Variants in GALNT15 observed in about 807,000 individuals in gnomAD.
GALNT15 encodes UDP-GalNAc transferase T15.
Under a neutral mutation model 66.8 loss-of-function variants are expected in GALNT15, and 67 were observed. The observed-to-expected ratio is 1.00, with a 90% CI of 0.82 to 1.23. The LOEUF is 1.23. Ranked by LOEUF, GALNT15 falls within the 50% of genes most tolerant of loss-of-function variation. The pLI is 0.00. For synonymous variants in GALNT15, 313 were observed against 311.5 expected, an observed-to-expected ratio of 1.00 and a Z score of -0.05; for missense variants, 827 against 804.3, an observed-to-expected ratio of 1.03 and a Z score of -0.34.
rs561587462 is a variant in GALNT15, at chr3:16,227,841, A to G, written c.*341A>G. 8 of 1,057,104 alleles carry G rather than the reference A, an allele frequency of 7.6e-6. 1 individual carries two copies. The highest frequency in any genetic ancestry group is 3.4e-5 in the South Asian group (1 of 29,490). The allele number at this position is 1,057,104 out of a possible 1,614,324, so 65.5% of individuals were successfully genotyped here. ...CTGGACATTCTCTGGCAGCACCTCC[A>G]GGATACATAAATTCAATGGATCAAT... On this transcript the variant is annotated 3_prime_UTR_variant, in exon 10 of 10. Coordinates refer to ENST00000339732, the MANE Select transcript of GALNT15 (RefSeq NM_054110.5). The surrounding 1 kb of genome is among the most constrained non-coding windows in gnomAD (Gnocchi z 4.5).
chr3:16,215,906 C>CAAAA (rs10611187), intron 6 of GALNT15, among the ~76,000 whole-genome samples: 2 of 102,634 alleles, frequency 1.9e-5, no homozygotes, highest in South Asian at 3.6e-4. Flanking sequence ...GAGACTCCGC[C>CAAAA]AAAAAAAAAA....
chr3:16,226,735 T>C (rs964107058), intron 9 of GALNT15, among the ~76,000 whole-genome samples: 3 of 152,218 alleles, frequency 2.0e-5, no homozygotes, highest in African/African-American at 7.2e-5. Flanking sequence ...TCTCAAACAT[T>C]AATAAATGAA....
At chr3:16,192,817 A>G (rs1175736111) in intron 1 of GALNT15, among the ~76,000 whole-genome samples, 2 of 152,266 alleles carry the variant, frequency 1.3e-5, no homozygotes, top group East Asian at 1.9e-4. Context: ...ATAAAAGTTC[A>G]TATAAAGTTC....
chr3:16,177,942 G>T (rs1482749494), intron 1 of GALNT15, among the ~76,000 whole-genome samples: 1 of 152,188 alleles, frequency 6.6e-6, no homozygotes, highest in South Asian at 2.1e-4. Context: ...TGTGTGTGCT[G>T]TGCACGTATT....
the GALNT15 span, among the ~76,000 whole-genome samples, chr3:16,241,421 T>A: frequency 3.9e-5 from 6 of 152,246 alleles, no homozygotes; most frequent in Admixed American, 2.6e-4. The surrounding 1 kb of genome is among the most constrained non-coding windows in gnomAD (Gnocchi z 4.6). Flanking sequence ...TCCTGATCAC[T>A]TTTTGGATGG....
intron 8 of GALNT15, 26 bp downstream of exon 8, chr3:16,220,040 G>T (rs373770146): frequency 4.5e-6 from 7 of 1,545,094 alleles, no homozygotes; most frequent in Non-Finnish European, 5.4e-6. Context: ...TCTCAGGATG[G>T]ATGATAGCCC....
intron 1 of GALNT15, among the ~76,000 whole-genome samples, chr3:16,192,362 T>G (rs1170711601): frequency 6.6e-6 from 1 of 152,196 alleles, no homozygotes; most frequent in Non-Finnish European, 1.5e-5. Flanking sequence ...ACTATTAAAC[T>G]GTCCCCACAG....
the GALNT15 span, chr3:16,244,097 A>T: frequency 2.3e-5 from 17 of 751,842 alleles, no homozygotes; most frequent in Admixed American, 6.3e-5. Flanking sequence ...AAGACAGAAG[A>T]ACAGGCACCG....
Position 16,184,694 on chromosome 3 carries a change from G to A in GALNT15, c.539+9004G>A, listed in dbSNP as rs188739398. ...TCCTGAAAGAAGGCTTCATTTTGCCGGTTATCCCAAGAAGCACGGGTAGGG... is the reference window on the plus strand; with the variant it reads ...TCCTGAAAGAAGGCTTCATTTTGCCAGTTATCCCAAGAAGCACGGGTAGGG... On this transcript the variant is annotated intron_variant, in intron 1 of 9. Transcript: ENST00000339732. The surrounding 1 kb of genome is among the most constrained non-coding windows in gnomAD (Gnocchi z 5.0). Among the ~76,000 whole-genome samples, 49 of 152,278 alleles carry A rather than the reference G, an allele frequency of 3.2e-4. No homozygotes were observed. In the East Asian group the frequency reaches 6.4e-3, roughly 20 times the overall value.
At chr3:16,207,889 C>T (rs1235546325) in intron 3 of GALNT15, among the ~76,000 whole-genome samples, 1 of 152,116 alleles carries the variant, frequency 6.6e-6, no homozygotes, top group African/African-American at 2.4e-5. Flanking sequence ...AGCATTGCAG[C>T]TGAGAAAGGC....
chr3:16,202,844 C>T (rs1050932758), intron 3 of GALNT15, among the ~76,000 whole-genome samples: 4 of 152,212 alleles, frequency 2.6e-5, no homozygotes, highest in Admixed American at 2.0e-4. Flanking sequence ...CTCATGATTT[C>T]GCTATCGAGA....
intron 1 of GALNT15, among the ~76,000 whole-genome samples, chr3:16,185,828 G>T (rs796414725): frequency 7.2e-5 from 11 of 152,094 alleles, no homozygotes; most frequent in Admixed American, 6.5e-5. Flanking sequence ...GCTATTTGCC[G>T]TGTAACTTTA....
In GALNT15 at chr3:16,177,411, A is replaced by G. The variant is rs573996823; in HGVS notation, c.539+1721A>G. 4.6e-5 allele frequency among the ~76,000 whole-genome samples: 7 copies of G among 152,268 alleles called. No homozygotes were observed. In the South Asian group the frequency reaches 1.5e-3, roughly 32 times the overall value. On this transcript the variant is annotated intron_variant, in intron 1 of 9. Coordinates refer to ENST00000339732, the MANE Select transcript of GALNT15 (RefSeq NM_054110.5). The stretch of plus-strand genomic sequence containing the variant: ...TATGCATATTTGTGGGTCATGGTAT[A>G]TGTATGTTCGTGCATGTGTGTTGTA...
Position 16,187,201 on chromosome 3 carries a change from T to C in GALNT15, c.540-8559T>C, listed in dbSNP as rs2063526398. Among the ~76,000 whole-genome samples the C allele has an allele frequency of 6.6e-6, 1 of 151,916 alleles. No homozygotes were observed. Among genetic ancestry groups the C allele is most frequent in the Non-Finnish European group, 1.5e-5 (1 of 67,986 alleles). ...ATCGCCTGAACCTGGGAGGTGGAGGTTGCAGTGAGCTAAGATAATGCCACT... is the reference window on the plus strand; with the variant it reads ...ATCGCCTGAACCTGGGAGGTGGAGGCTGCAGTGAGCTAAGATAATGCCACT... On this transcript the variant is annotated intron_variant, in intron 1 of 9. Transcript: ENST00000339732. The surrounding 1 kb of genome is among the most constrained non-coding windows in gnomAD (Gnocchi z 5.1).
downstream of GALNT15, chr3:16,232,046 C>T: frequency 8.1e-7 from 1 of 1,238,482 alleles, no homozygotes; most frequent in African/African-American, 1.5e-5. Context: ...AGAAACTGTT[C>T]AGAGAGGGTG....
rs971719863 is a variant in GALNT15, at chr3:16,187,645, G to A, written c.540-8115G>A. ...ACAAGGCCAGCCAGACTTAGGGGCT[G>A]AAGAAATAGATTCCATTTCTTGATG... is the stretch of plus-strand genomic sequence containing the variant. On this transcript the variant is annotated intron_variant, in intron 1 of 9. Transcript: ENST00000339732. The surrounding 1 kb of genome is among the most constrained non-coding windows in gnomAD (Gnocchi z 5.1). Among the ~76,000 whole-genome samples, 2 of 152,188 alleles carry A rather than the reference G, an allele frequency of 1.3e-5. No individual in the cohort carries two copies. Among genetic ancestry groups the A allele is most frequent in the Non-Finnish European group, 2.9e-5 (2 of 68,036 alleles).
downstream of GALNT15, among the ~76,000 whole-genome samples, chr3:16,231,609 C>CG (rs1392922855): frequency 7.2e-5 from 11 of 152,188 alleles, no homozygotes; most frequent in African/African-American, 2.7e-4. The surrounding 1 kb of genome is among the most constrained non-coding windows in gnomAD (Gnocchi z 4.1). Context: ...GACTTTACCC[C>CG]TAGGGTGATA....
At position 16,195,912 on chromosome 3, in the gene GALNT15, A is replaced by C. The variant is rs1574977194; in HGVS notation, c.692A>C (p.Asp231Ala). The change falls in exon 2 of 10, where the codon GAC becomes GCC. Residue 231 changes from aspartate to alanine, a missense_variant. Physicochemically the swap from Asp to Ala is moderately radical, Grantham distance 126. Transcript: ENST00000339732. The surrounding 1 kb of genome is among the most constrained non-coding windows in gnomAD (Gnocchi z 4.6). ...AFLKEIILVD[D>A]LSQQGQLKSA... ...CTGAAGGAGATCATCCTCGTGGACG[A>C]CCTCAGCCAGCAAGGTAGCCACGGC... 6.2e-7 allele frequency: 1 copy of C among 1,613,940 alleles called. No individual in the cohort carries two copies. Among genetic ancestry groups the C allele is most frequent in the East Asian group, 2.2e-5 (1 of 44,850 alleles).
At chr3:16,238,658 G>A in the GALNT15 span, among the ~76,000 whole-genome samples, 1 of 152,096 alleles carries the variant, frequency 6.6e-6, no homozygotes, top group African/African-American at 2.4e-5. This position sits in a 1 kb window ranked among gnomAD's most constrained non-coding sequence, Gnocchi z 4.8. Flanking sequence ...CAAAGTGATG[G>A]ACCTAGATCA....
Sources: gnomAD v4.1 joint callset for allele counts (sites outside exome capture counted in the v4.1 genomes callset) on GRCh38, gnomAD v4.1.1 for gene constraint, Gnocchi (gnomAD v3.1) non-coding constraint, MANE v1.5 for transcripts, NCBI Gene and HGNC (gene_info 2026-07-23, HGNC 2026-07-21) for gene names.